The following TAGLN3 variants were observed in gnomAD, a reference collection of about 807,000 sequenced individuals.
TAGLN3 encodes transgelin-3.
TAGLN3 carries 12 observed loss-of-function variants against 25.4 expected under a neutral mutation model. The ratio of observed to expected loss-of-function variants is 0.47; its 90% CI spans 0.30 to 0.77. TAGLN3 has a LOEUF of 0.77. Among genes scored for constraint, TAGLN3 ranks in the 30% least tolerant of loss-of-function variants. The pLI is 0.06. For missense variants in TAGLN3, 218 were observed against 255.8 expected (o/e 0.85, Z 1.01); for synonymous variants, 96 against 94.8 (o/e 1.01, Z -0.08).
chr3:112,005,716 T>TTTG, intron 3 of TAGLN3, among the ~76,000 whole-genome samples: 1 of 130,910 alleles, frequency 7.6e-6, no homozygotes, highest in Non-Finnish European at 1.7e-5. Flanking sequence ...TTTTTTTTTT[T>TTTG]TGAGATGGAG....
In TAGLN3 at chr3:111,999,555, C is replaced by A; in HGVS notation, c.133C>A (p.Pro45Thr). Residue 45 changes from proline (P) to threonine (T), a missense_variant, in exon 2 of 5, where the codon CCG becomes ACG. Transcript: ENST00000478951. ...GCAGTGCGCCGAGGACATAGAGCACCCGCCCCCCGGCAGGGCCCATTTTCA... is the reference window on the plus strand; with the variant it reads ...GCAGTGCGCCGAGGACATAGAGCACACGCCCCCCGGCAGGGCCCATTTTCA... ...ILQCAEDIEH[P>T]PPGRAHFQKW... 1 of 1,614,102 alleles carries A rather than the reference C, an allele frequency of 6.2e-7. No homozygotes were observed. Among genetic ancestry groups the A allele is most frequent in the Non-Finnish European group, 8.5e-7 (1 of 1,180,024 alleles).
intron 4 of TAGLN3, among the ~76,000 whole-genome samples, chr3:112,012,896 T>C (rs949870181): frequency 3.3e-5 from 5 of 152,074 alleles, no homozygotes; most frequent in African/African-American, 1.2e-4. Flanking sequence ...AAAGGGGGAA[T>C]GGGATTAATG....
At position 112,013,754 on chromosome 3, in the gene TAGLN3, C is replaced by A. The variant is rs1310970610; in HGVS notation, c.*203C>A. 24 of 714,794 alleles carry A rather than the reference C, an allele frequency of 3.4e-5. No homozygotes were observed. The highest frequency in any genetic ancestry group is 4.9e-6 in the Non-Finnish European group (2 of 410,540). The allele number at this position is 714,794 out of a possible 1,614,324, so 44.3% of individuals were successfully genotyped here. On this transcript the variant is annotated 3_prime_UTR_variant, in exon 5 of 5. Coordinates refer to ENST00000478951, the MANE Select transcript of TAGLN3 (RefSeq NM_001008272.2). The stretch of plus-strand genomic sequence containing the variant: ...TTCATTTAGAACTATGCAAAGACTC[C>A]GCTTCCGTTTTCCTGAGCTCCTCGG...
At chr3:111,999,956 C>G (rs374623811) in intron 2 of TAGLN3, among the ~76,000 whole-genome samples, 2 of 152,278 alleles carry the variant, frequency 1.3e-5, no homozygotes. Flanking sequence ...CCTAGGGGAT[C>G]GTGTTGGTTA....
intron 3 of TAGLN3, 145 bp from the exon 4 acceptor site, chr3:112,011,618 G>T: frequency 3.1e-6 from 2 of 651,408 alleles, no homozygotes; most frequent in Non-Finnish European, 5.1e-6. Context: ...GGGCCACTTT[G>T]GGAGGTGTTT....
At chr3:112,009,521 A>G (rs2072953036) in intron 3 of TAGLN3, among the ~76,000 whole-genome samples, 1 of 152,172 alleles carries the variant, frequency 6.6e-6, no homozygotes, top group South Asian at 2.1e-4. Flanking sequence ...ATGGGGTGCC[A>G]TGGGAGATGG....
rs1253411515 is a variant in TAGLN3, at chr3:112,013,605, T to C, written c.*54T>C. 2.5e-6 allele frequency: 4 copies of C among 1,611,822 alleles called. No individual in the cohort carries two copies. Among genetic ancestry groups the C allele is most frequent in the Middle Eastern group, 1.6e-4 (1 of 6,080 alleles). ...GACGAATGTTCCACACCATGGTCTC[T>C]ACGAAAAAGAAATAGTTAGTCACCT... On this transcript the variant is annotated 3_prime_UTR_variant, in exon 5 of 5. Transcript: ENST00000478951.
At chr3:112,012,932 T>G (rs1377972753) in intron 4 of TAGLN3, among the ~76,000 whole-genome samples, 1 of 152,152 alleles carries the variant, frequency 6.6e-6, no homozygotes, top group East Asian at 1.9e-4. Flanking sequence ...AGAACCAATT[T>G]TAATTTTCAC....
chr3:112,004,276 G>T (rs2072892999), intron 3 of TAGLN3, among the ~76,000 whole-genome samples: 1 of 152,192 alleles, frequency 6.6e-6, no homozygotes, highest in African/African-American at 2.4e-5. Flanking sequence ...GCAGGGGTGG[G>T]GCCATCTCAG....
chr3:112,012,228 C>T (rs1429331958), intron 4 of TAGLN3, among the ~76,000 whole-genome samples: 2 of 76,502 alleles, frequency 2.6e-5, no homozygotes, highest in Non-Finnish European at 5.6e-5. Context: ...GCTTCCCTCC[C>T]TCCCTCCCTC....
intron 3 of TAGLN3, among the ~76,000 whole-genome samples, chr3:112,004,709 G>T (rs2072898572): frequency 1.3e-5 from 2 of 152,278 alleles, no homozygotes; most frequent in Middle Eastern, 3.4e-3. Flanking sequence ...GATAATAAAA[G>T]TTGGTAATGT....
chr3:111,999,592 T>C lies in TAGLN3; in HGVS notation c.170T>C (p.Met57Thr). The C allele has an allele frequency of 1.2e-6, 2 of 1,613,672 alleles. No homozygotes were observed. Among genetic ancestry groups the C allele is most frequent in the East Asian group, 4.5e-5 (2 of 44,866 alleles). The stretch of plus-strand genomic sequence containing the variant: ...AGGGCCCATTTTCAGAAATGGTTAA[T>C]GGACGGGACGGTAAGGCCGGCAGCG... Reference protein sequence around the residue: ...PGRAHFQKWLMDGTVLCKLIN... With the variant: ...PGRAHFQKWLTDGTVLCKLIN... The change falls in exon 2 of 5, where the codon ATG becomes ACG. Residue 57 changes from methionine (M) to threonine (T), a missense_variant. Physicochemically the swap from Met to Thr is moderately conservative, Grantham distance 81. Coordinates refer to ENST00000478951, the MANE Select transcript of TAGLN3 (RefSeq NM_001008272.2).
At chr3:112,000,210 A>G (rs2072840303) in intron 2 of TAGLN3, among the ~76,000 whole-genome samples, 1 of 152,222 alleles carries the variant, frequency 6.6e-6, no homozygotes, top group African/African-American at 2.4e-5. Flanking sequence ...TTACTGTTAC[A>G]TAACTGCTAT....
intron 3 of TAGLN3, among the ~76,000 whole-genome samples, chr3:112,002,948 G>A (rs922910382): frequency 1.2e-4 from 18 of 152,086 alleles, no homozygotes; most frequent in African/African-American, 4.3e-4. Context: ...AGGGATGAGT[G>A]TGGTCGCCTG....
rs369661291 is a variant in TAGLN3 at position 112,000,915 on chromosome 3, C to A, written c.324C>A (p.Thr108=). 1.2e-6 allele frequency: 2 copies of A among 1,614,086 alleles called. No individual in the cohort carries two copies. Among genetic ancestry groups the A allele is most frequent in the South Asian group, 2.2e-5 (2 of 91,070 alleles). The change falls in exon 3 of 5, where the codon ACC becomes ACA. Residue 108 remains threonine, a synonymous_variant. Coordinates refer to ENST00000478951, the MANE Select transcript of TAGLN3 (RefSeq NM_001008272.2). ...KAAETYGVRT[T]DIFQTVDLWE... ...CGGAGACCTATGGTGTCAGAACCAC[C>A]GACATCTTTCAGACGGTGGATCTAT...
chr3:112,009,840 T>C (rs1336886613), intron 3 of TAGLN3, among the ~76,000 whole-genome samples: 2 of 152,004 alleles, frequency 1.3e-5, no homozygotes, highest in Non-Finnish European at 2.9e-5. Flanking sequence ...CACTTCCTTT[T>C]CCACTCTCCT....
At chr3:112,013,297 A>T in intron 4 of TAGLN3, 113 bp from the exon 5 acceptor site, 1 of 1,352,022 alleles carries the variant, frequency 7.4e-7, no homozygotes, top group Non-Finnish European at 1.0e-6. Flanking sequence ...AGCTCAGGGT[A>T]GGACCTGCTG....
chr3:112,003,776 C>T (rs1241288831), intron 3 of TAGLN3, among the ~76,000 whole-genome samples: 1 of 152,172 alleles, frequency 6.6e-6, no homozygotes, highest in African/African-American at 2.4e-5. Context: ...ACCTCTCACT[C>T]TCCCATCTCC....
chr3:111,999,689 A>G, intron 2 of TAGLN3, 87 bp downstream of exon 2: 2 of 1,511,426 alleles, frequency 1.3e-6, no homozygotes, highest in Non-Finnish European at 1.8e-6. Context: ...CTGCGGGAAG[A>G]GCTGCTGTTG....
Sources: allele counts gnomAD v4.1 joint callset (sites outside exome capture counted in the v4.1 genomes callset), GRCh38; gene constraint gnomAD v4.1.1; transcripts MANE v1.5; gene names NCBI Gene and HGNC (gene_info 2026-07-23, HGNC 2026-07-21).